Variants in NLN observed in about 807,000 individuals in gnomAD.
NLN encodes the protein neurolysin, mitochondrial.
In NLN, 64 loss-of-function variants were observed where a neutral mutation model predicts 79.9. The observed-to-expected ratio is 0.80, with a 90% CI of 0.65 to 0.99. The LOEUF (loss-of-function observed/expected upper bound fraction) is 0.99. Among genes scored for constraint, NLN ranks in the 50% least tolerant of loss-of-function variants. The pLI, the probability that NLN is intolerant of heterozygous loss-of-function variation, is 0.00. For missense variants in NLN, 835 were observed against 858.7 expected (o/e 0.97, Z 0.34); for synonymous variants, 267 against 296.6 (o/e 0.90, Z 1.02).
At chr5:65,757,662 G>A (rs899493880) in intron 1 of NLN, among the ~76,000 whole-genome samples, 2 of 152,132 alleles carry the variant, frequency 1.3e-5, no homozygotes, top group Non-Finnish European at 2.9e-5. Context: ...AGTATTACTA[G>A]TTTGAATGTT....
At chr5:65,742,654 G>A (rs146248707) in intron 1 of NLN, among the ~76,000 whole-genome samples, 4 of 152,238 alleles carry the variant, frequency 2.6e-5, no homozygotes, top group Non-Finnish European at 5.9e-5. Flanking sequence ...TGTTTTCCTA[G>A]CATTTTTCTA....
At chr5:65,821,641 A>G (rs1212957574) in intron 12 of NLN, among the ~76,000 whole-genome samples, 1 of 152,220 alleles carries the variant, frequency 6.6e-6, no homozygotes, top group Non-Finnish European at 1.5e-5. Flanking sequence ...GTGCAGCCCT[A>G]GAGTTTCTGA....
chr5:65,752,633 G>C (rs767329774), intron 1 of NLN, among the ~76,000 whole-genome samples: 1 of 152,178 alleles, frequency 6.6e-6, no homozygotes, highest in Admixed American at 6.5e-5. Context: ...AGGGGAAGAC[G>C]AGATCAATGT....
chr5:65,735,479 T>A (rs954596351), intron 1 of NLN, among the ~76,000 whole-genome samples: 1 of 152,210 alleles, frequency 6.6e-6, no homozygotes, highest in Non-Finnish European at 1.5e-5. Context: ...GAGCCATTCC[T>A]TGCTTTTTTC....
intron 3 of NLN, among the ~76,000 whole-genome samples, chr5:65,767,556 C>A (rs968668740): frequency 1.3e-5 from 2 of 152,176 alleles, no homozygotes; most frequent in Non-Finnish European, 2.9e-5. Context: ...CTCTGACATG[C>A]CCTGGGGACA....
chr5:65,806,474 A>G (rs1760413091), intron 9 of NLN, among the ~76,000 whole-genome samples: 1 of 152,220 alleles, frequency 6.6e-6, no homozygotes, highest in African/African-American at 2.4e-5. Context: ...GAAGGGGTTC[A>G]AGACCTCAGT....
intron 1 of NLN, chr5:65,723,162 C>T (rs1316731823): frequency 6.6e-6 from 1 of 152,208 alleles, no homozygotes; most frequent in African/African-American, 2.4e-5. Flanking sequence ...CAAATCTGCC[C>T]AGAACTGTAA....
chr5:65,732,645 C>T (rs536338502), intron 1 of NLN, among the ~76,000 whole-genome samples: 17,595 of 112,832 alleles, frequency 0.16, 442 homozygotes, highest in Non-Finnish European at 0.17. Context: ...TTTGCAGACG[C>T]GGGCACGTCA....
At chr5:65,812,054 G>T (rs1265162970) in intron 11 of NLN, among the ~76,000 whole-genome samples, 1 of 152,190 alleles carries the variant, frequency 6.6e-6, no homozygotes, top group East Asian at 1.9e-4. Context: ...GCCGAAACCA[G>T]CTCTGAGGTT....
Position 65,780,274 on chromosome 5 carries a change from TG to T in NLN, c.655del (p.Glu219AsnfsTer13). On this transcript the variant is annotated frameshift_variant, in exon 5 of 13. Transcript: ENST00000380985. LOFTEE classifies it high-confidence loss of function. ...DDTFLVFSKA[E>X]LGALPDDFID... ...ATACCTTCCTTGTATTTTCCAAGGC[TG>T]AACTTGGTAAGTTTTATTATTTTTC... 1 of 1,340,918 alleles carries T rather than the reference TG, an allele frequency of 7.5e-7. No homozygotes were observed. Among genetic ancestry groups the T allele is most frequent in the Non-Finnish European group, 1.0e-6 (1 of 956,814 alleles). The allele number at this position is 1,340,918 out of a possible 1,614,324, so 83.1% of individuals were successfully genotyped here.
At chr5:65,813,377 T>C (rs1384569496) in intron 12 of NLN, among the ~76,000 whole-genome samples, 1 of 151,220 alleles carries the variant, frequency 6.6e-6, no homozygotes, top group Non-Finnish European at 1.5e-5. Context: ...CAGACATACC[T>C]ATTCCTGCAT....
intron 1 of NLN, among the ~76,000 whole-genome samples, chr5:65,738,924 G>T (rs1758796497): frequency 8.4e-6 from 1 of 118,774 alleles, no homozygotes. Context: ...TGATATATAT[G>T]TGTGTATATA....
intron 2 of NLN, among the ~76,000 whole-genome samples, chr5:65,762,334 C>T (rs766861573): frequency 6.6e-6 from 1 of 152,050 alleles, no homozygotes; most frequent in Non-Finnish European, 1.5e-5. Flanking sequence ...ATCCCAGATC[C>T]TAAGAAGCCT....
chr5:65,799,092 G>A (rs996063325), intron 9 of NLN, among the ~76,000 whole-genome samples: 5 of 152,154 alleles, frequency 3.3e-5, no homozygotes, highest in Non-Finnish European at 5.9e-5. Context: ...ATGTTGCCCA[G>A]GCTGATCTTG....
At chr5:65,783,881 C>G (rs1227799883) in intron 6 of NLN, among the ~76,000 whole-genome samples, 2 of 151,928 alleles carry the variant, frequency 1.3e-5, no homozygotes, top group Non-Finnish European at 2.9e-5. Context: ...TGTTTCTCTT[C>G]TATGTTTTCC....
At chr5:65,766,322 C>T (rs142298740) in intron 3 of NLN, among the ~76,000 whole-genome samples, 34 of 152,262 alleles carry the variant, frequency 2.2e-4, no homozygotes, top group African/African-American at 7.5e-4. Flanking sequence ...TAGGAACTTA[C>T]AGTCATGGCA....
chr5:65,741,682 A>G (rs1758872294), intron 1 of NLN, among the ~76,000 whole-genome samples: 1 of 152,202 alleles, frequency 6.6e-6, no homozygotes, highest in African/African-American at 2.4e-5. Context: ...GAGAAAAATA[A>G]AAGGGGAATA....
chr5:65,725,383 A>C (rs907211605), intron 1 of NLN, among the ~76,000 whole-genome samples: 3 of 152,244 alleles, frequency 2.0e-5, no homozygotes, highest in Non-Finnish European at 2.9e-5. Context: ...ATATCAATGT[A>C]CTTGTTTTAC....
At chr5:65,812,189 A>T (rs1760562528) in intron 11 of NLN, 66 bp from the exon 12 acceptor site, 5 of 1,395,946 alleles carry the variant, frequency 3.6e-6, no homozygotes, top group Non-Finnish European at 5.1e-6. Flanking sequence ...GGGAAACCTT[A>T]GCTAGCTGTT....
Sources: allele counts gnomAD v4.1 joint callset (sites outside exome capture counted in the v4.1 genomes callset), GRCh38; gene constraint gnomAD v4.1.1; transcripts MANE v1.5; gene names NCBI Gene and HGNC (gene_info 2026-07-23, HGNC 2026-07-21).